A2ML1: variants seen among roughly 807,000 people sequenced by gnomAD.
A2ML1 encodes the protein alpha-2-macroglobulin-like protein 1.
Under a neutral mutation model 181.9 loss-of-function variants are expected in A2ML1, and 161 were observed. The observed-to-expected ratio is 0.89, with a 90% CI of 0.78 to 1.01. The LOEUF (loss-of-function observed/expected upper bound fraction) is 1.01. A2ML1 is among the 50% of genes least tolerant of loss of function. The pLI is 0.00. For synonymous variants in A2ML1, 663 were observed against 666.8 expected (o/e 0.99, Z 0.09); for missense variants, 1,670 against 1,768.1 (o/e 0.94, Z 1.00).
chr12:8,873,985 G>T (rs890045881), intron 33 of A2ML1, among the ~76,000 whole-genome samples: 1 of 151,794 alleles, frequency 6.6e-6, no homozygotes, highest in African/African-American at 2.4e-5. Context: ...GTACATAGAG[G>T]GTTTCAGAGA....
At position 8,868,037 on chromosome 12, in the gene A2ML1, C is replaced by T. The variant is rs1944481087; in HGVS notation, c.3913C>T (p.Gln1305Ter). Residue 1305 changes from glutamine (Q) to a stop codon, truncating the protein, a stop_gained, in exon 30 of 36, where the codon CAG (glutamine) becomes TAG (stop). Coordinates refer to ENST00000299698, the MANE Select transcript of A2ML1 (RefSeq NM_144670.6). LOFTEE classifies it high-confidence loss of function. ...AATGTACACGTTGGAGGCCTCAGGCCAGGGCTGTGTCTATGTGCAGGTAAG... is the reference window on the plus strand; with the variant it reads ...AATGTACACGTTGGAGGCCTCAGGCTAGGGCTGTGTCTATGTGCAGGTAAG... ...PGMYTLEASG[Q>*]GCVYVQTVLR... is the part of the protein sequence containing the mutation. 8 of 1,614,196 alleles carry T rather than the reference C, an allele frequency of 5.0e-6. 1 individual carries two copies. The East Asian group carries it at 1.8e-4, about 36-fold the overall frequency.
At chr12:8,823,967 T>C in intron 3 of A2ML1, 85 bp downstream of exon 3, 1 of 1,468,336 alleles carries the variant, frequency 6.8e-7, no homozygotes, top group East Asian at 2.3e-5. Context: ...GGTTTGACAG[T>C]AGGCTTTGGA....
At chr12:8,871,860 C>G (rs1944633801) in intron 33 of A2ML1, among the ~76,000 whole-genome samples, 1 of 151,884 alleles carries the variant, frequency 6.6e-6, no homozygotes, top group Admixed American at 6.6e-5. Flanking sequence ...TTTCCCTTGC[C>G]TTGGGTGCCA....
At chr12:8,825,315 G>A (rs1258248684) in intron 3 of A2ML1, among the ~76,000 whole-genome samples, 2 of 152,052 alleles carry the variant, frequency 1.3e-5, no homozygotes, top group Non-Finnish European at 2.9e-5. Flanking sequence ...ATATCTCATT[G>A]TAGTTTTGAT....
chr12:8,836,687 T>C (rs1943290730), intron 7 of A2ML1, among the ~76,000 whole-genome samples: 1 of 152,096 alleles, frequency 6.6e-6, no homozygotes, highest in South Asian at 2.1e-4. Context: ...TTTCGCCGTG[T>C]TGGCCAGGCT....
At position 8,854,226 on chromosome 12, in the gene A2ML1, C is replaced by A; in HGVS notation, c.2689C>A (p.Leu897Ile). 1 of 1,606,812 alleles carries A rather than the reference C, an allele frequency of 6.2e-7. No individual in the cohort carries two copies. ...TCCCCAAAAGGGCCGAAGTGACACGCTCATCAAGCCAGTTCTCGTCAAAGT... is the reference window on the plus strand; with the variant it reads ...TCCCCAAAAGGGCCGAAGTGACACGATCATCAAGCCAGTTCTCGTCAAAGT... The part of the protein sequence containing the change: ...FVPQKGRSDT[L>I]IKPVLVKPEG... The change falls in exon 21 of 36, where the codon CTC (leucine) becomes ATC (isoleucine). Residue 897 changes from leucine (L) to isoleucine (I), a missense_variant. Leu to Ile is a conservative substitution (Grantham distance 5, BLOSUM62 2). Coordinates refer to ENST00000299698, the MANE Select transcript of A2ML1 (RefSeq NM_144670.6).
intron 7 of A2ML1, 145 bp downstream of exon 7, chr12:8,836,484 T>A: frequency 1.0e-5 from 3 of 300,500 alleles, no homozygotes; most frequent in East Asian, 5.3e-5. Context: ...CCAAGACCTT[T>A]TTTTTTTTTT....
chr12:8,838,864 G>A (rs935303630), intron 9 of A2ML1, among the ~76,000 whole-genome samples: 7 of 148,612 alleles, frequency 4.7e-5, no homozygotes, highest in African/African-American at 1.2e-4. Context: ...GCAGTGAGCC[G>A]AGATCGTGCC....
chr12:8,861,527 G>T (rs764263594), intron 28 of A2ML1, among the ~76,000 whole-genome samples: 1 of 152,008 alleles, frequency 6.6e-6, no homozygotes, highest in East Asian at 1.9e-4. Flanking sequence ...TTGCTCTGTT[G>T]CCCAGGCTGG....
At position 8,852,304 on chromosome 12, in the gene A2ML1, C is replaced by A. The variant is rs765814447; in HGVS notation, c.2558C>A (p.Thr853Asn). The A allele has an allele frequency of 1.9e-6, 3 of 1,614,086 alleles. No individual in the cohort carries two copies. The highest frequency in any genetic ancestry group is 2.5e-6 in the Non-Finnish European group (3 of 1,179,982). ...SSCLCADDAK[T>N]HHWNITAVKL... is the part of the protein sequence containing the mutation. ...TGTCTCTGTGCTGATGACGCAAAAA[C>A]CCACCACTGGAACATCACAGCTGTC... The change falls in exon 20 of 36, where the codon ACC (threonine) becomes AAC (asparagine). Residue 853 changes from threonine to asparagine, a missense_variant. By Grantham distance (65) the Thr-to-Asn change is moderately conservative (BLOSUM62 0). Coordinates refer to ENST00000299698, the MANE Select transcript of A2ML1 (RefSeq NM_144670.6). The surrounding 1 kb of genome is among the most constrained non-coding windows in gnomAD (Gnocchi z 4.2).
chr12:8,837,642 G>A, intron 8 of A2ML1, 76 bp downstream of exon 8: 2 of 1,469,888 alleles, frequency 1.4e-6, no homozygotes, highest in South Asian at 1.3e-5. Context: ...AGCACTTTGG[G>A]AGGCCGAGAT....
In A2ML1 at chr12:8,858,006, C is replaced by T. The variant is rs374568541; in HGVS notation, c.3168C>T (p.Pro1056=). The T allele has an allele frequency of 1.2e-6, 2 of 1,614,046 alleles. No individual in the cohort carries two copies. The highest frequency in any genetic ancestry group is 1.3e-5 in the African/African-American group (1 of 74,890). The change falls in exon 26 of 36, where the codon CCC becomes CCT. Residue 1056 remains proline (P), a synonymous_variant. Coordinates refer to ENST00000299698, the MANE Select transcript of A2ML1 (RefSeq NM_144670.6). ...CTCAGAAATTCATCTTCATTGATCC[C>T]AAGAACATCCAGGATGCTCTCAAGT... The part of the protein sequence containing the change: ...GQAQKFIFID[P]KNIQDALKWM...
At chr12:8,838,994 T>C in intron 9 of A2ML1, 119 bp from the exon 10 acceptor site, 1 of 623,142 alleles carries the variant, frequency 1.6e-6, no homozygotes, top group East Asian at 3.0e-5. Context: ...TTTGGATCTT[T>C]GGCCAGAAAT....
chr12:8,866,376 A>G (rs1565491531), intron 29 of A2ML1, among the ~76,000 whole-genome samples: 1 of 151,144 alleles, frequency 6.6e-6, no homozygotes, highest in Non-Finnish European at 1.5e-5. Context: ...AACTTAAAAA[A>G]ATTATATGGT....
downstream of A2ML1, chr12:8,876,850 CT>C (rs927893204): frequency 6.6e-6 from 1 of 152,118 alleles, no homozygotes; most frequent in Admixed American, 6.5e-5. Context: ...GATGATCATC[CT>C]TTCCCCCAAA....
Position 8,839,153 on chromosome 12 carries a change from A to G in A2ML1, c.1011A>G (p.Pro337=), listed in dbSNP as rs772081364. The G allele has an allele frequency of 3.1e-6, 5 of 1,613,564 alleles. No homozygotes were observed. In the East Asian group the frequency reaches 1.1e-4, roughly 36 times the overall value. Residue 337 remains proline, a synonymous_variant, in exon 10 of 36, where the codon CCA becomes CCG. Coordinates refer to ENST00000299698, the MANE Select transcript of A2ML1 (RefSeq NM_144670.6). ...ANATQNIYIS[P]QMGSMTFEDT... is the part of the protein sequence containing the mutation. ...CCACTCAGAATATCTACATTTCTCCACAAATGGGATCAATGACCTTTGAAG... is the reference window on the plus strand; with the variant it reads ...CCACTCAGAATATCTACATTTCTCCGCAAATGGGATCAATGACCTTTGAAG...
chr12:8,841,164 C>T (rs1039312619), intron 10 of A2ML1, among the ~76,000 whole-genome samples: 1 of 152,174 alleles, frequency 6.6e-6, no homozygotes, highest in African/African-American at 2.4e-5. Flanking sequence ...GTTTGTTTTT[C>T]GGTTCCTCAC....
In A2ML1 at chr12:8,838,291, G is replaced by A. The variant is rs765037573; in HGVS notation, c.856-45G>A. On this transcript the variant is annotated intron_variant, in intron 8 of 35. Coordinates refer to ENST00000299698, the MANE Select transcript of A2ML1 (RefSeq NM_144670.6). ...CATTATAAAATGGATGTAGAGATTAGATTCCTCATCTGCTCTCTATCTCTG... is the reference window on the plus strand; with the variant it reads ...CATTATAAAATGGATGTAGAGATTAAATTCCTCATCTGCTCTCTATCTCTG... 2.2e-6 allele frequency: 3 copies of A among 1,348,002 alleles called. No individual in the cohort carries two copies. The South Asian group carries it at 3.7e-5, about 17-fold the overall frequency. The allele number at this position is 1,348,002 out of a possible 1,614,324, so 83.5% of individuals were successfully genotyped here.
At chr12:8,866,097 C>A (rs904599757) in intron 29 of A2ML1, among the ~76,000 whole-genome samples, 9 of 151,902 alleles carry the variant, frequency 5.9e-5, no homozygotes, top group Admixed American at 2.6e-4. Flanking sequence ...GCAGGTGGAT[C>A]ACGAGGTCAG....
Sources: gnomAD v4.1 joint callset for allele counts (sites outside exome capture counted in the v4.1 genomes callset) on GRCh38, gnomAD v4.1.1 for gene constraint, Gnocchi (gnomAD v3.1) non-coding constraint, MANE v1.5 for transcripts, NCBI Gene and HGNC (gene_info 2026-07-23, HGNC 2026-07-21) for gene names.